The following FAM184A variants were observed in gnomAD, a reference collection of about 807,000 sequenced individuals.
The protein encoded by FAM184A is family with sequence similarity 184 member A, also known as protein FAM184A.
FAM184A carries 99 observed loss-of-function variants against 143.8 expected under a neutral mutation model. The ratio of observed to expected loss-of-function variants is 0.69; its 90% confidence interval spans 0.58 to 0.81. The LOEUF (loss-of-function observed/expected upper bound fraction) is 0.81, where lower values mean the gene tolerates loss of function less well. Ranked by LOEUF, FAM184A falls within the 40% of genes least tolerant of loss-of-function variation. The pLI, the probability that FAM184A is intolerant of heterozygous loss-of-function variation, is 0.00. For missense variants in FAM184A, 1,217 were observed against 1,310.5 expected (o/e 0.93, Z 1.10); for synonymous variants, 427 against 446.4 (o/e 0.96, Z 0.55).
intron 1 of FAM184A, 152 bp downstream of exon 1, chr6:119,077,989 G>T: frequency 1.1e-6 from 1 of 869,822 alleles, no homozygotes; most frequent in Non-Finnish European, 1.7e-6. Context: ...ACCAAAGTTT[G>T]CAGGGTTTTG....
At chr6:118,964,909 T>C (rs1783450283) in intron 15 of FAM184A, 138 bp from the exon 16 acceptor site, 1 of 572,150 alleles carries the variant, frequency 1.7e-6, no homozygotes, top group South Asian at 2.4e-5. Flanking sequence ...AAAGATTTCT[T>C]GACATGATTG....
rs756262741 is a variant in FAM184A, at chr6:118,975,899, C to T, written c.2583+18G>A. On this transcript the variant is annotated intron_variant, in intron 12 of 17. Coordinates refer to ENST00000338891, the MANE Select transcript of FAM184A (RefSeq NM_024581.6). ...TCAAATTTAAGAAATCATCAGAGTA[C>T]AGAATACTCTTACTTACCTGTCTTC... The T allele has an allele frequency of 3.1e-6, 5 of 1,606,746 alleles. No individual in the cohort carries two copies. The highest frequency in any genetic ancestry group is 1.1e-5 in the South Asian group (1 of 90,326).
intron 1 of FAM184A, among the ~76,000 whole-genome samples, chr6:119,048,251 T>C (rs2114740681): frequency 6.6e-6 from 1 of 152,256 alleles, no homozygotes; most frequent in East Asian, 1.9e-4. Flanking sequence ...TAACCATCTA[T>C]GACAAACCCA....
intron 8 of FAM184A, among the ~76,000 whole-genome samples, chr6:119,003,293 G>A (rs1053235864): frequency 6.6e-6 from 1 of 152,118 alleles, no homozygotes; most frequent in East Asian, 1.9e-4. Context: ...CTTTAGGTTA[G>A]TTTACTGCCT....
intron 1 of FAM184A, among the ~76,000 whole-genome samples, chr6:119,026,317 A>C (rs2114695673): frequency 6.6e-6 from 1 of 152,292 alleles, no homozygotes; most frequent in South Asian, 2.1e-4. Context: ...ACAGATCCCA[A>C]GCAGGACTCC....
At chr6:118,977,698 G>A (rs1449587438) in intron 11 of FAM184A, among the ~76,000 whole-genome samples, 1 of 152,150 alleles carries the variant, frequency 6.6e-6, no homozygotes, top group Non-Finnish European at 1.5e-5. Context: ...AGGAGGGGAG[G>A]ACTGGGAATA....
chr6:119,003,607 CT>C lies in FAM184A; in HGVS notation c.1830del (p.Glu611LysfsTer12). 1.2e-6 allele frequency: 2 copies of C among 1,611,712 alleles called. No homozygotes were observed. The highest frequency in any genetic ancestry group is 1.7e-6 in the Non-Finnish European group (2 of 1,178,858). On this transcript the variant is annotated frameshift_variant, in exon 8 of 18. Transcript: ENST00000338891. LOFTEE classifies it high-confidence loss of function. ...ATTGTTTCTTCATGCTGTTGCCTTT[CT>C]TGTTCTAGCTCACCCTGAAGAATAA... ...ALLNVEGELE[Q>X]ERQQHEETIA...
In FAM184A at chr6:118,980,176, A is replaced by G. The variant is rs777448756; in HGVS notation, c.2263T>C (p.Phe755Leu). The G allele has an allele frequency of 1.9e-6, 3 of 1,614,220 alleles. No homozygotes were observed. The highest frequency in any genetic ancestry group is 1.7e-6 in the Non-Finnish European group (2 of 1,180,014). The change falls in exon 10 of 18, where the codon TTT (phenylalanine) becomes CTT (leucine). Residue 755 changes from phenylalanine (F) to leucine (L), a missense_variant. Transcript: ENST00000338891. ...TCCTTTTCCTCTTCCATAGTTTGAA[A>G]TGCAAGGACATGTGCTTCTTTTAAT... The part of the protein sequence containing the change: ...KSLKEAHVLA[F>L]QTMEEEKEKE...
chr6:118,963,870 C>T (rs888321950), intron 16 of FAM184A: 2 of 151,886 alleles, frequency 1.3e-5, no homozygotes, highest in Non-Finnish European at 2.9e-5. Context: ...TGCAACTGAA[C>T]AAATATTTAC....
In FAM184A at chr6:119,034,019, A is replaced by AAT. The variant is rs1166841690; in HGVS notation, c.160-9208_160-9207dup. 4.0e-3 allele frequency among the ~76,000 whole-genome samples: 251 copies of AAT among 63,490 alleles called. 4 individuals carry two copies. The highest frequency in any genetic ancestry group is 4.9e-3 in the Admixed American group (16 of 3,240). 41.7% of individuals were successfully genotyped at this position (63,490 alleles called of 152,430 possible). A position where few individuals can be genotyped will look rare whatever the true frequency, so the allele number is the denominator to read the frequency against. On this transcript the variant is annotated intron_variant, in intron 1 of 17. Coordinates refer to ENST00000338891, the MANE Select transcript of FAM184A (RefSeq NM_024581.6). ...AAAAAAAAAAAAAAAAAAAAAAAAA[A>AAT]ATATATATATATATATATATATAGA...
At chr6:119,035,580 C>T (rs963782630) in intron 1 of FAM184A, among the ~76,000 whole-genome samples, 1 of 152,094 alleles carries the variant, frequency 6.6e-6, no homozygotes, top group Admixed American at 6.6e-5. Flanking sequence ...GGTGTTCTCC[C>T]TGATCCGGGA....
intron 1 of FAM184A, among the ~76,000 whole-genome samples, chr6:119,075,296 G>C (rs527959998): frequency 6.6e-6 from 1 of 152,114 alleles, no homozygotes; most frequent in Non-Finnish European, 1.5e-5. Context: ...ATGCAGAATG[G>C]TTTAAAAGGA....
At position 119,050,785 on chromosome 6, in the gene FAM184A, C is replaced by A. The variant is rs1255589937; in HGVS notation, c.160-25972G>T. On this transcript the variant is annotated intron_variant, in intron 1 of 17. Transcript: ENST00000338891. ...GCGCCACTGCAGTCCGCAGTCCGGC[C>A]TGGGCGACAGAGCGAGACTCCGTCT... Among the ~76,000 whole-genome samples, 4 of 150,136 alleles carry A rather than the reference C, an allele frequency of 2.7e-5. No homozygotes were observed. In the East Asian group the frequency reaches 7.9e-4, roughly 29 times the overall value.
chr6:119,043,295 G>A (rs1222384587), intron 1 of FAM184A, among the ~76,000 whole-genome samples: 1 of 152,206 alleles, frequency 6.6e-6, no homozygotes, highest in Non-Finnish European at 1.5e-5. Flanking sequence ...GCAGAGCACA[G>A]AAGGAAAATG....
At chr6:119,135,191 G>C (rs952419062) in intron 1 of FAM184A, among the ~76,000 whole-genome samples, 1 of 152,058 alleles carries the variant, frequency 6.6e-6, no homozygotes, top group South Asian at 2.1e-4. Context: ...TATCAACCTA[G>C]AAAACAATAT....
At chr6:119,049,305 G>A (rs62421124) in intron 1 of FAM184A, among the ~76,000 whole-genome samples, 22 of 152,110 alleles carry the variant, frequency 1.4e-4, no homozygotes, top group Non-Finnish European at 2.4e-4. Context: ...AAAATTACCC[G>A]GGCGTGGTGG....
At chr6:119,146,465 A>G (rs1407415758) in intron 1 of FAM184A, among the ~76,000 whole-genome samples, 1 of 147,600 alleles carries the variant, frequency 6.8e-6, no homozygotes, top group South Asian at 2.2e-4. Flanking sequence ...GAGGCTCGCT[A>G]TGTTACCCAG....
chr6:119,097,728 G>A (rs1363365983), intron 1 of FAM184A, among the ~76,000 whole-genome samples: 2 of 152,032 alleles, frequency 1.3e-5, no homozygotes, highest in African/African-American at 4.8e-5. Context: ...AATACTTTAG[G>A]CCTCAGAACT....
chr6:119,089,735 G>A (rs1233759637), intron 1 of FAM184A, among the ~76,000 whole-genome samples: 1 of 152,150 alleles, frequency 6.6e-6, no homozygotes, highest in Non-Finnish European at 1.5e-5. Flanking sequence ...TAAATAAGGT[G>A]GTTCTTGTTT....
Sources: gnomAD v4.1 joint callset for allele counts (sites outside exome capture counted in the v4.1 genomes callset) on GRCh38, gnomAD v4.1.1 for gene constraint, MANE v1.5 for transcripts, NCBI Gene and HGNC (gene_info 2026-07-23, HGNC 2026-07-21) for gene names.